Variants in CTNNA3 observed in about 807,000 individuals in gnomAD.
CTNNA3 encodes the protein catenin alpha-3.
Under a neutral mutation model 95.7 loss-of-function variants are expected in CTNNA3, and 76 were observed. That is an observed-to-expected ratio of 0.79 (90% CI 0.66 to 0.96). The LOEUF (loss-of-function observed/expected upper bound fraction) is 0.96, where lower values mean the gene tolerates loss of function less well. Ranked by LOEUF, CTNNA3 falls within the 40% of genes least tolerant of loss-of-function variation. The probability of loss-of-function intolerance (pLI) is 0.00; values close to 1 mark genes in which losing one functional copy is unlikely to be tolerated. For missense variants in CTNNA3, 1,191 were observed against 1,089.8 expected (o/e 1.09, Z -1.31); for synonymous variants, 431 against 374.4 (o/e 1.15, Z -1.74).
Position 66,721,230 on chromosome 10 carries a change from T to C in CTNNA3, c.1281+45034A>G, listed in dbSNP as rs1051120679. On this transcript the variant is annotated intron_variant, in intron 9 of 17. Coordinates refer to ENST00000433211, the MANE Select transcript of CTNNA3 (RefSeq NM_013266.4). ...TTTTCTGGAAGATGACTGAGGTACT[T>C]GGTTATGGGCAAGACAGTCTAATTT... Among the ~76,000 whole-genome samples, 12 of 152,192 alleles carry C rather than the reference T, an allele frequency of 7.9e-5. No individual in the cohort carries two copies. In the South Asian group the frequency reaches 1.7e-3, roughly 21 times the overall value.
chr10:66,895,914 CA>C (rs869248195), intron 7 of CTNNA3, among the ~76,000 whole-genome samples: 6,289 of 80,272 alleles, frequency 0.078, 273 homozygotes, highest in African/African-American at 0.26. Context: ...CCTGTCTCTA[CA>C]AAAAAAAAAA....
At chr10:66,294,836 G>A (rs539126894) in intron 12 of CTNNA3, among the ~76,000 whole-genome samples, 15 of 151,934 alleles carry the variant, frequency 9.9e-5, no homozygotes, top group Admixed American at 3.3e-4. Context: ...GTCTATTCAC[G>A]TTGAGTTTCA....
intron 7 of CTNNA3, among the ~76,000 whole-genome samples, chr10:66,786,613 G>A (rs1207487836): frequency 1.3e-5 from 2 of 152,270 alleles, no homozygotes; most frequent in East Asian, 1.9e-4. Flanking sequence ...CAGCCAGGGT[G>A]AAGGGAATAA....
intron 12 of CTNNA3, among the ~76,000 whole-genome samples, chr10:66,315,103 A>ATAAATTT (rs1564860410): frequency 6.6e-6 from 1 of 152,082 alleles, no homozygotes; most frequent in African/African-American, 2.4e-5. Flanking sequence ...TTCTTTATTA[A>ATAAATTT]TAAATTTTAC....
chr10:67,288,973 A>G (rs947616756), intron 5 of CTNNA3, among the ~76,000 whole-genome samples: 5 of 152,074 alleles, frequency 3.3e-5, no homozygotes, highest in African/African-American at 1.2e-4. Context: ...TAAATAAATA[A>G]ATAACAGATA....
chr10:67,384,477 G>C (rs145644620), intron 5 of CTNNA3, among the ~76,000 whole-genome samples: 1 of 152,202 alleles, frequency 6.6e-6, no homozygotes, highest in Admixed American at 6.5e-5. Context: ...TCTTGTTCCA[G>C]GAATAAAAGA....
intron 14 of CTNNA3, among the ~76,000 whole-genome samples, chr10:66,090,968 T>C (rs977033053): frequency 3.3e-5 from 5 of 151,966 alleles, no homozygotes; most frequent in African/African-American, 1.2e-4. Context: ...TTTAGAATAT[T>C]AGAAAGCACG....
intron 7 of CTNNA3, among the ~76,000 whole-genome samples, chr10:67,029,574 T>C (rs931443686): frequency 2.0e-5 from 3 of 152,222 alleles, no homozygotes; most frequent in African/African-American, 7.2e-5. Context: ...AAGTGAGTTT[T>C]AACATTGTAT....
intron 7 of CTNNA3, among the ~76,000 whole-genome samples, chr10:67,123,054 A>G (rs118175006): frequency 1.2e-4 from 18 of 152,246 alleles, no homozygotes; most frequent in Non-Finnish European, 1.2e-4. Flanking sequence ...CCATACTATT[A>G]AATACAATTT....
At chr10:65,973,463 T>C (rs1564550629) in intron 16 of CTNNA3, among the ~76,000 whole-genome samples, 1 of 152,192 alleles carries the variant, frequency 6.6e-6, no homozygotes, top group Non-Finnish European at 1.5e-5. Flanking sequence ...ATAGTTTTAC[T>C]ATCCAGGATC....
intron 13 of CTNNA3, among the ~76,000 whole-genome samples, chr10:66,130,610 T>C (rs776704011): frequency 4.9e-4 from 75 of 151,936 alleles, no homozygotes; most frequent in Non-Finnish European, 9.1e-4. Context: ...TTTAGGAAGC[T>C]AAGGCAGGAG....
At chr10:67,459,691 T>C (rs967223572) in intron 5 of CTNNA3, among the ~76,000 whole-genome samples, 1 of 152,174 alleles carries the variant, frequency 6.6e-6, no homozygotes, top group African/African-American at 2.4e-5. Context: ...AATGTCTTCA[T>C]CACTTTTTAA....
intron 11 of CTNNA3, among the ~76,000 whole-genome samples, chr10:66,418,711 CAA>C (rs35070905): frequency 0.26 from 40,096 of 151,654 alleles, 5,436 homozygotes; most frequent in South Asian, 0.39. Flanking sequence ...CCAAGGGACA[CAA>C]GGATGTTCAA....
intron 13 of CTNNA3, among the ~76,000 whole-genome samples, chr10:66,129,810 G>A (rs2083001540): frequency 6.6e-6 from 1 of 152,004 alleles, no homozygotes; most frequent in African/African-American, 2.4e-5. Context: ...CCCAGCCACT[G>A]TGCCTGCATG....
chr10:66,375,709 G>A (rs146917382), intron 12 of CTNNA3, among the ~76,000 whole-genome samples: 49 of 152,132 alleles, frequency 3.2e-4, no homozygotes, highest in African/African-American at 1.1e-3. Flanking sequence ...TTCAAACTAC[G>A]TTTTAAATGA....
chr10:66,247,763 A>G (rs1270289788), intron 13 of CTNNA3, among the ~76,000 whole-genome samples: 2 of 152,188 alleles, frequency 1.3e-5, no homozygotes, highest in African/African-American at 4.8e-5. Flanking sequence ...CCTCAAGCCT[A>G]AAGGAGAAAT....
At chr10:66,659,847 TG>T (rs1288713546) in intron 9 of CTNNA3, among the ~76,000 whole-genome samples, 1 of 152,172 alleles carries the variant, frequency 6.6e-6, no homozygotes, top group African/African-American at 2.4e-5. Flanking sequence ...AAACTTCCGC[TG>T]TTTATAAGCT....
intron 1 of CTNNA3, among the ~76,000 whole-genome samples, chr10:67,712,380 T>C (rs1287760830): frequency 2.0e-5 from 3 of 152,150 alleles, no homozygotes; most frequent in Non-Finnish European, 4.4e-5. Context: ...CAATGGGGAA[T>C]ATGTCTCCAA....
intron 7 of CTNNA3, among the ~76,000 whole-genome samples, chr10:66,889,776 G>A (rs1845190923): frequency 6.7e-6 from 1 of 150,194 alleles, no homozygotes; most frequent in African/African-American, 2.4e-5. Context: ...GGGAAGATCA[G>A]GGGAACCACA....
Sources: gnomAD v4.1 joint callset for allele counts (sites outside exome capture counted in the v4.1 genomes callset) on GRCh38, gnomAD v4.1.1 for gene constraint, MANE v1.5 for transcripts, NCBI Gene and HGNC (gene_info 2026-07-23, HGNC 2026-07-21) for gene names.